Variants in COL18A1 observed in about 807,000 individuals in gnomAD.
The protein encoded by COL18A1 is collagen alpha-1(XVIII) chain.
Under a neutral mutation model 168.0 loss-of-function variants are expected in COL18A1, and 133 were observed. The ratio of observed to expected loss-of-function variants is 0.79; its 90% confidence interval spans 0.69 to 0.91. The LOEUF (loss-of-function observed/expected upper bound fraction) is 0.91. Among genes scored for constraint, COL18A1 ranks in the 40% least tolerant of loss-of-function variants. The probability of loss-of-function intolerance (pLI) is 0.00; values close to 1 mark genes in which losing one functional copy is unlikely to be tolerated. For missense variants in COL18A1, 2,126 were observed against 1,925.4 expected (o/e 1.10, Z -1.95); for synonymous variants, 949 against 809.0 (o/e 1.17, Z -2.94).
chr21:45,510,575 G>A (rs2037522104), intron 40 of COL18A1, among the ~76,000 whole-genome samples: 2 of 151,860 alleles, frequency 1.3e-5, no homozygotes, highest in African/African-American at 4.8e-5. Context: ...TGTCCACACA[G>A]GTGATAGGGC....
At chr21:45,505,575 G>T in intron 36 of COL18A1, 144 bp downstream of exon 36, 1 of 683,926 alleles carries the variant, frequency 1.5e-6, no homozygotes, top group South Asian at 1.6e-5. Flanking sequence ...TGGAAGCGGG[G>T]CCAGGCCATG....
intron 2 of COL18A1, chr21:45,419,594 G>A (rs553670575): frequency 1.3e-5 from 2 of 152,310 alleles, no homozygotes; most frequent in Admixed American, 6.5e-5. Context: ...GATTTATCAG[G>A]CGTTTTGGGT....
intron 5 of COL18A1, 129 bp downstream of exon 5, chr21:45,475,664 C>G: frequency 1.2e-6 from 1 of 836,214 alleles, no homozygotes; most frequent in Non-Finnish European, 1.9e-6. Flanking sequence ...AGACATATTC[C>G]TGGCTGGGGA....
chr21:45,484,673 T>C (rs566535389), intron 15 of COL18A1, among the ~76,000 whole-genome samples: 2 of 151,760 alleles, frequency 1.3e-5, no homozygotes, highest in Admixed American at 6.6e-5. Flanking sequence ...TACACACACA[T>C]GTATCTAGGT....
chr21:45,414,381 G>T (rs573832188), intron 2 of COL18A1, among the ~76,000 whole-genome samples: 2 of 152,366 alleles, frequency 1.3e-5, no homozygotes, highest in South Asian at 4.1e-4. Flanking sequence ...CACCCCCAAA[G>T]GAATGGGCTC....
Position 45,505,885 on chromosome 21 carries a change from G to A in COL18A1, c.3135G>A (p.Glu1045=). 1 of 1,612,668 alleles carries A rather than the reference G, an allele frequency of 6.2e-7. No individual in the cohort carries two copies. Among genetic ancestry groups the A allele is most frequent in the Non-Finnish European group, 8.5e-7 (1 of 1,179,872 alleles). ...AGGCCATGCTGGGCCAGGTGCACGA[G>A]GTTCCCGAGGGCTGGCTCATCTTCG... ...TRQAMLGQVH[E]VPEGWLIFVA... is the part of the protein sequence containing the mutation. Residue 1045 remains glutamate, a synonymous_variant, in exon 37 of 42, where the codon GAG becomes GAA. Coordinates refer to ENST00000651438, the MANE Select transcript of COL18A1 (RefSeq NM_001379500.1).
chr21:45,416,246 A>G (rs2033439848), intron 2 of COL18A1, among the ~76,000 whole-genome samples: 1 of 152,298 alleles, frequency 6.6e-6, no homozygotes, highest in African/African-American at 2.4e-5. Context: ...CAGGAGCAGT[A>G]GGGCCGGCCA....
intron 2 of COL18A1, among the ~76,000 whole-genome samples, chr21:45,426,423 G>C (rs996645992): frequency 6.6e-6 from 1 of 152,108 alleles, no homozygotes; most frequent in Non-Finnish European, 1.5e-5. Flanking sequence ...TTTTGGGAGA[G>C]GGCAGCCCCT....
At chr21:45,446,001 T>C (rs1238432918) in intron 2 of COL18A1, among the ~76,000 whole-genome samples, 1 of 152,246 alleles carries the variant, frequency 6.6e-6, no homozygotes, top group East Asian at 1.9e-4. Context: ...CTGTCATATG[T>C]AAGAATCTTT....
chr21:45,476,298 C>G (rs1294919450), intron 5 of COL18A1, 53 bp from the exon 6 acceptor site: 1 of 1,612,274 alleles, frequency 6.2e-7, no homozygotes, highest in Admixed American at 1.7e-5. Flanking sequence ...AAGCAAGTCT[C>G]CACCGGGCAT....
chr21:45,488,074 G>A (rs1238152042), intron 17 of COL18A1, among the ~76,000 whole-genome samples: 2 of 152,094 alleles, frequency 1.3e-5, no homozygotes, highest in African/African-American at 4.8e-5. Context: ...CTCTCGTGGC[G>A]CCAGCATGGA....
At position 45,473,794 on chromosome 21, in the gene COL18A1, C is replaced by T; in HGVS notation, c.652-101C>T. The T allele has an allele frequency of 1.0e-6, 1 of 965,272 alleles. No homozygotes were observed. The highest frequency in any genetic ancestry group is 1.6e-6 in the Non-Finnish European group (1 of 620,370). 59.8% of individuals were successfully genotyped at this position (965,272 alleles called of 1,614,324 possible). On this transcript the variant is annotated intron_variant, in intron 3 of 41. Coordinates refer to ENST00000651438, the MANE Select transcript of COL18A1 (RefSeq NM_001379500.1). The surrounding 1 kb of genome is among the most constrained non-coding windows in gnomAD (Gnocchi z 4.0). ...GACCCCTTCCCTCTCCGAGACTCTC[C>T]TGCCCTTTGTGGGCCCCCCGAAATC...
At chr21:45,488,353 C>G (rs966324566) in intron 17 of COL18A1, 65 bp from the exon 18 acceptor site, 17 of 1,609,526 alleles carry the variant, frequency 1.1e-5, no homozygotes, top group African/African-American at 1.3e-5. Context: ...GCTTTTCTTG[C>G]GGCAGACGCA....
chr21:45,433,548 A>C (rs2034022600), intron 2 of COL18A1, among the ~76,000 whole-genome samples: 1 of 152,180 alleles, frequency 6.6e-6, no homozygotes, highest in Non-Finnish European at 1.5e-5. Context: ...GCCTGCAAGG[A>C]GGCTCCTTTC....
intron 18 of COL18A1, among the ~76,000 whole-genome samples, chr21:45,489,053 C>T (rs973232801): frequency 1.1e-4 from 17 of 152,234 alleles, no homozygotes; most frequent in South Asian, 4.1e-4. Context: ...CAAGGGCGCA[C>T]GGGGCCCACC....
chr21:45,415,590 G>C (rs1259795742), intron 2 of COL18A1, among the ~76,000 whole-genome samples: 1 of 152,248 alleles, frequency 6.6e-6, no homozygotes, highest in Non-Finnish European at 1.5e-5. Context: ...GTGGAGTTGA[G>C]AGCGGGGGTG....
chr21:45,492,786 C>G (rs2036398902), intron 24 of COL18A1, 73 bp downstream of exon 24: 2 of 1,180,848 alleles, frequency 1.7e-6, no homozygotes, highest in Non-Finnish European at 2.5e-6. Context: ...ACAGAGCAGC[C>G]CGGTCGAGCT....
At position 45,504,520 on chromosome 21, in the gene COL18A1, AG is replaced by A. The variant is rs781698521; in HGVS notation, c.2834del (p.Gly945AlafsTer86). 62 of 18,072 alleles carry A rather than the reference AG, an allele frequency of 3.4e-3. No homozygotes were observed. The highest frequency in any genetic ancestry group is 8.8e-3 in the East Asian group (1 of 114). The allele number at this position is 18,072 out of a possible 1,614,324, so 1.1% of individuals were successfully genotyped here. A position where few individuals can be genotyped will look rare whatever the true frequency, so the allele number is the denominator to read the frequency against. On this transcript the variant is annotated frameshift_variant, in exon 34 of 42. Coordinates refer to ENST00000651438, the MANE Select transcript of COL18A1 (RefSeq NM_001379500.1). LOFTEE classifies it high-confidence loss of function. ...SSLPGPPGPPGPPGPRGYPGI... is the reference protein window; with the variant it reads ...SSLPGPPGPPXPPGPRGYPGI... ...GCCTGCCCGGCCCCCCCGGCCCCCCAGGCCCCCCAGGCCCACGTGGCTACCC... is the reference window on the plus strand; with the variant it reads ...GCCTGCCCGGCCCCCCCGGCCCCCCAGCCCCCCAGGCCCACGTGGCTACCC...
In COL18A1 at chr21:45,498,227, G is replaced by C. The variant is rs1462892862; in HGVS notation, c.2683+566G>C. 2.8e-6 allele frequency: 2 copies of C among 703,184 alleles called. No individual in the cohort carries two copies. Among genetic ancestry groups the C allele is most frequent in the Admixed American group, 2.0e-5 (1 of 49,942 alleles). The allele number at this position is 703,184 out of a possible 1,614,324, so 43.6% of individuals were successfully genotyped here. On this transcript the variant is annotated intron_variant, in intron 32 of 41. Coordinates refer to ENST00000651438, the MANE Select transcript of COL18A1 (RefSeq NM_001379500.1). The surrounding 1 kb of genome is among the most constrained non-coding windows in gnomAD (Gnocchi z 4.5). ...AAATGTGAGAAAACCACTGTTTGAGGATGTCTGGGGGCTGGCAGAGCAGAA... is the reference window on the plus strand; with the variant it reads ...AAATGTGAGAAAACCACTGTTTGAGCATGTCTGGGGGCTGGCAGAGCAGAA...
Sources: gnomAD v4.1 joint callset for allele counts (sites outside exome capture counted in the v4.1 genomes callset) on GRCh38, gnomAD v4.1.1 for gene constraint, Gnocchi (gnomAD v3.1) non-coding constraint, MANE v1.5 for transcripts, NCBI Gene and HGNC (gene_info 2026-07-23, HGNC 2026-07-21) for gene names.